The following SLC15A2 variants were observed in gnomAD, a reference collection of about 807,000 sequenced individuals.
SLC15A2 encodes the protein solute carrier family 15 member 2.
SLC15A2 carries 77 observed loss-of-function variants against 95.5 expected under a neutral mutation model. The observed-to-expected ratio is 0.81, with a 90% confidence interval of 0.67 to 0.97. The LOEUF (loss-of-function observed/expected upper bound fraction) is 0.97, where lower values mean the gene tolerates loss of function less well. SLC15A2 is among the 50% of genes least tolerant of loss of function. The pLI is 0.00. For missense variants in SLC15A2, 893 were observed against 874.4 expected (o/e 1.02, Z -0.27); for synonymous variants, 306 against 306.9 (o/e 1.00, Z 0.03).
intron 7 of SLC15A2, among the ~76,000 whole-genome samples, chr3:121,919,434 G>A (rs1325030703): frequency 1.3e-5 from 2 of 152,180 alleles, no homozygotes; most frequent in African/African-American, 4.8e-5. Flanking sequence ...GGGACCCGAA[G>A]TAGGTAGCCG....
intron 7 of SLC15A2, among the ~76,000 whole-genome samples, chr3:121,916,851 C>T (rs549668193): frequency 2.0e-5 from 3 of 151,958 alleles, no homozygotes; most frequent in South Asian, 4.2e-4. Context: ...GATGGAGTCT[C>T]GCTCTGTCGC....
intron 3 of SLC15A2, among the ~76,000 whole-genome samples, chr3:121,911,366 A>G (rs970006835): frequency 6.6e-6 from 1 of 152,144 alleles, no homozygotes; most frequent in African/African-American, 2.4e-5. Flanking sequence ...TCTAACACTA[A>G]AGAGTGAAGA....
At chr3:121,925,417 C>T (rs985468410) in intron 13 of SLC15A2, among the ~76,000 whole-genome samples, 4 of 151,918 alleles carry the variant, frequency 2.6e-5, no homozygotes, top group African/African-American at 9.7e-5. Context: ...GTTGTCCCTA[C>T]AAAACAAATG....
Position 121,922,211 on chromosome 3 carries a change from C to T in SLC15A2, c.698-9C>T. 6.2e-7 allele frequency: 1 copy of T among 1,610,858 alleles called. No homozygotes were observed. Among genetic ancestry groups the T allele is most frequent in the Non-Finnish European group, 8.5e-7 (1 of 1,177,306 alleles). On this transcript the variant is annotated splice_polypyrimidine_tract_variant and intron_variant, in intron 7 of 21. Transcript: ENST00000489711. ...GAAGCTAAGAACCTTGTTTGTGTAT[C>T]AACTGCAGTTGTGTTTGCAATGGGA...
At chr3:121,936,458 G>T (rs577314749) in intron 19 of SLC15A2, among the ~76,000 whole-genome samples, 4 of 152,128 alleles carry the variant, frequency 2.6e-5, no homozygotes, top group Middle Eastern at 3.4e-3. Context: ...CCTGTATTGG[G>T]TGCATATATA....
intron 4 of SLC15A2, 85 bp from the exon 5 acceptor site, chr3:121,912,936 T>C: frequency 1.1e-6 from 1 of 898,688 alleles, no homozygotes; most frequent in Non-Finnish European, 1.8e-6. Context: ...CTTGTACACA[T>C]TTTTTCCCCT....
rs373067319 is a variant in SLC15A2 at position 121,897,991 on chromosome 3, G to A, written c.335+462G>A. On this transcript the variant is annotated intron_variant, in intron 3 of 21. Transcript: ENST00000489711. Reference sequence around the variant, plus strand: ...AGCCTGGCTAACATGGTGAAACCCCGTCTCTACTAAAAATACAAAAATTGG... The same window carrying A: ...AGCCTGGCTAACATGGTGAAACCCCATCTCTACTAAAAATACAAAAATTGG... 5.3e-5 allele frequency among the ~76,000 whole-genome samples: 8 copies of A among 151,956 alleles called. No individual in the cohort carries two copies. In the East Asian group the frequency reaches 7.8e-4, roughly 15 times the overall value.
intron 17 of SLC15A2, among the ~76,000 whole-genome samples, chr3:121,930,356 G>C (rs190328424): frequency 4.1e-4 from 62 of 152,322 alleles, no homozygotes; most frequent in Non-Finnish European, 5.1e-4. Context: ...TGGGCTGGGA[G>C]TCTGAGTTTT....
At chr3:121,900,987 AATATGT>A (rs1709508836) in intron 3 of SLC15A2, among the ~76,000 whole-genome samples, 1 of 149,198 alleles carries the variant, frequency 6.7e-6, no homozygotes, top group Admixed American at 6.7e-5. Context: ...GAATGTATAT[AATATGT>A]ATAATATATA....
chr3:121,928,599 T>C (rs768410338), intron 15 of SLC15A2, 44 bp downstream of exon 15: 14 of 1,576,028 alleles, frequency 8.9e-6, no homozygotes, highest in Middle Eastern at 1.7e-4. Context: ...GTATGCTATA[T>C]TGATCTTGAT....
chr3:121,920,062 G>A (rs184872641), intron 7 of SLC15A2, among the ~76,000 whole-genome samples: 3 of 152,276 alleles, frequency 2.0e-5, no homozygotes, highest in African/African-American at 7.2e-5. Flanking sequence ...CTACTAGAAG[G>A]AGTAGATAGT....
At chr3:121,935,701 C>G (rs907449930) in intron 19 of SLC15A2, among the ~76,000 whole-genome samples, 1 of 151,782 alleles carries the variant, frequency 6.6e-6, no homozygotes, top group Non-Finnish European at 1.5e-5. Flanking sequence ...TTTGTTGATC[C>G]TTTCAAAAAA....
intron 13 of SLC15A2, among the ~76,000 whole-genome samples, chr3:121,926,249 T>C (rs571597623): frequency 6.6e-6 from 1 of 152,262 alleles, no homozygotes; most frequent in East Asian, 1.9e-4. Flanking sequence ...TAATCCCCAA[T>C]GTTGGATGTT....
chr3:121,908,544 A>G (rs1709701230), intron 3 of SLC15A2, among the ~76,000 whole-genome samples: 1 of 151,896 alleles, frequency 6.6e-6, no homozygotes, highest in Admixed American at 6.6e-5. Context: ...TCCTCTCCAC[A>G]CTTCTCTTTT....
chr3:121,925,626 T>C (rs1002041040), intron 13 of SLC15A2, among the ~76,000 whole-genome samples: 2 of 147,422 alleles, frequency 1.4e-5, no homozygotes, highest in African/African-American at 5.0e-5. Flanking sequence ...ATTGAGCAAA[T>C]GTTGGGAAGT....
rs575715156 is a variant in SLC15A2 at position 121,908,402 on chromosome 3, A to C, written c.336-3172A>C. 6.0e-4 allele frequency among the ~76,000 whole-genome samples: 91 copies of C among 152,276 alleles called. 1 individual carries two copies. Among genetic ancestry groups the C allele is most frequent in the South Asian group, 2.7e-3 (13 of 4,822 alleles). ...TGTGGGCTGCACCCACTGTCCAACC[A>C]GTCCCAATGAAATGAGCCAGGTACC... is the stretch of plus-strand genomic sequence containing the variant. On this transcript the variant is annotated intron_variant, in intron 3 of 21. Coordinates refer to ENST00000489711, the MANE Select transcript of SLC15A2 (RefSeq NM_021082.4).
chr3:121,936,841 T>G (rs1710358256), intron 19 of SLC15A2, among the ~76,000 whole-genome samples: 2 of 143,904 alleles, frequency 1.4e-5, no homozygotes, highest in African/African-American at 2.6e-5. Context: ...CGTTAGTTGA[T>G]GCAGTTTCTT....
chr3:121,915,170 G>A (rs1381647453), intron 5 of SLC15A2, 57 bp from the exon 6 acceptor site: 1 of 1,360,006 alleles, frequency 7.4e-7, no homozygotes, highest in African/African-American at 1.4e-5. Context: ...TCTGAACGTG[G>A]AGTGGGGCTG....
Position 121,894,488 on chromosome 3 carries a change from C to T in SLC15A2, c.12C>T (p.Phe4=). The T allele has an allele frequency of 6.2e-7, 1 of 1,612,960 alleles. No individual in the cohort carries two copies. The highest frequency in any genetic ancestry group is 1.1e-5 in the South Asian group (1 of 90,912). Residue 4 remains phenylalanine (F), a synonymous_variant, in exon 1 of 22, where the codon TTC becomes TTT. Transcript: ENST00000489711. MNP[F]QKNESKETLF... ...GTAAGGAGCCAGCCATGAATCCTTT[C>T]CAGAAAAATGAGTCCAAGGAAACTC... is the stretch of plus-strand genomic sequence containing the variant.
Sources: allele counts gnomAD v4.1 joint callset (sites outside exome capture counted in the v4.1 genomes callset), GRCh38; gene constraint gnomAD v4.1.1; transcripts MANE v1.5; gene names NCBI Gene and HGNC (gene_info 2026-07-23, HGNC 2026-07-21).